The following WWOX variants were observed in gnomAD, a reference collection of about 807,000 sequenced individuals.
WWOX encodes WW domain-containing oxidoreductase.
In WWOX, 69 loss-of-function variants were observed where a neutral mutation model predicts 46.2. The observed-to-expected ratio is 1.49, with a 90% confidence interval of 1.23 to 1.82. The LOEUF is 1.82. Ranked by LOEUF, WWOX falls within the 40% of genes most tolerant of loss-of-function variation. WWOX has a pLI of 0.00. For synonymous variants in WWOX, 359 were observed against 202.6 expected (o/e 1.77, Z -6.56); for missense variants, 919 against 542.6 (o/e 1.69, Z -6.89).
intron 4 of WWOX, among the ~76,000 whole-genome samples, chr16:78,117,346 C>A (rs76758873): frequency 6.6e-6 from 1 of 152,178 alleles, no homozygotes; most frequent in East Asian, 1.9e-4. Flanking sequence ...CTGTCACCTT[C>A]CGCAGGAATG....
At chr16:79,040,190 C>T (rs549274827) in intron 8 of WWOX, among the ~76,000 whole-genome samples, 5 of 152,038 alleles carry the variant, frequency 3.3e-5, no homozygotes, top group Non-Finnish European at 5.9e-5. Context: ...TAGCGTTCAT[C>T]CTTGGTATGA....
chr16:78,393,323 C>G (rs923893579), intron 6 of WWOX, among the ~76,000 whole-genome samples: 8 of 152,146 alleles, frequency 5.3e-5, no homozygotes, highest in Non-Finnish European at 1.0e-4. Context: ...GAGTTAACAG[C>G]TCCTAGAGAG....
At chr16:78,660,105 C>G (rs1311771835) in intron 8 of WWOX, among the ~76,000 whole-genome samples, 1 of 152,174 alleles carries the variant, frequency 6.6e-6, no homozygotes. Flanking sequence ...CTCTTTTTAG[C>G]AAGCTTTTTG....
chr16:78,235,841 C>A (rs528202138), intron 5 of WWOX, among the ~76,000 whole-genome samples: 25 of 152,338 alleles, frequency 1.6e-4, no homozygotes, highest in African/African-American at 6.0e-4. Context: ...TCCTGCCTCA[C>A]TGGGAACCTG....
At chr16:78,977,119 C>G (rs754628514) in intron 8 of WWOX, among the ~76,000 whole-genome samples, 9 of 152,196 alleles carry the variant, frequency 5.9e-5, no homozygotes, top group South Asian at 2.1e-4. Flanking sequence ...GCTCTAATAT[C>G]TTCCTCTTTA....
intron 8 of WWOX, among the ~76,000 whole-genome samples, chr16:79,188,558 C>A (rs543389027): frequency 1.1e-4 from 16 of 152,174 alleles, no homozygotes; most frequent in Non-Finnish European, 2.4e-4. Flanking sequence ...TTTTGTTTCA[C>A]CTAATTTCCA....
intron 8 of WWOX, among the ~76,000 whole-genome samples, chr16:78,722,715 T>TC (rs999212374): frequency 5.1e-5 from 7 of 137,382 alleles, no homozygotes; most frequent in South Asian, 4.5e-4. Flanking sequence ...TTTTTTTTTT[T>TC]TTTTTTCCTC....
intron 8 of WWOX, among the ~76,000 whole-genome samples, chr16:78,790,000 T>A (rs1321895452): frequency 6.6e-6 from 1 of 152,232 alleles, no homozygotes; most frequent in Non-Finnish European, 1.5e-5. Context: ...CTAACAATAG[T>A]TGTTCTTTCC....
chr16:78,233,940 C>G (rs934599184), intron 5 of WWOX, among the ~76,000 whole-genome samples: 3 of 152,096 alleles, frequency 2.0e-5, no homozygotes, highest in African/African-American at 2.4e-5. Flanking sequence ...AAAATGTATC[C>G]CCTGTGTTTG....
chr16:78,688,024 A>G (rs1319247808), intron 8 of WWOX, among the ~76,000 whole-genome samples: 1 of 152,210 alleles, frequency 6.6e-6, no homozygotes, highest in Non-Finnish European at 1.5e-5. Context: ...AACAGGAGTT[A>G]TTTAAATTAG....
chr16:79,049,728 T>TG (rs1305298738), intron 8 of WWOX, among the ~76,000 whole-genome samples: 1 of 150,752 alleles, frequency 6.6e-6, no homozygotes, highest in African/African-American at 2.4e-5. Flanking sequence ...CCCAGCCACT[T>TG]GGGAGGCTGA....
chr16:78,446,592 A>G (rs1246485723), intron 8 of WWOX, among the ~76,000 whole-genome samples: 5 of 151,642 alleles, frequency 3.3e-5, no homozygotes, highest in African/African-American at 1.2e-4. Flanking sequence ...ATTACCTTAT[A>G]AAAATTACTT....
chr16:78,161,520 G>C (rs1922619), intron 4 of WWOX, among the ~76,000 whole-genome samples: 97,014 of 151,802 alleles, frequency 0.64, 31,437 homozygotes, highest in East Asian at 0.9. Context: ...AATCATAGCT[G>C]ACTGTGCCCT....
At chr16:78,558,027 A>C (rs940569787) in intron 8 of WWOX, among the ~76,000 whole-genome samples, 8 of 152,178 alleles carry the variant, frequency 5.3e-5, no homozygotes, top group African/African-American at 1.7e-4. Flanking sequence ...AGTGCCAAGC[A>C]CATAGTCGGC....
intron 8 of WWOX, among the ~76,000 whole-genome samples, chr16:78,811,022 C>G (rs746360731): frequency 3.3e-5 from 5 of 152,126 alleles, no homozygotes; most frequent in African/African-American, 7.2e-5. Context: ...TAGTAACTTG[C>G]ACTGTATTTC....
intron 8 of WWOX, among the ~76,000 whole-genome samples, chr16:78,952,882 A>G (rs913213762): frequency 3.3e-5 from 5 of 152,194 alleles, no homozygotes; most frequent in African/African-American, 7.2e-5. Context: ...GGCTTGTGGA[A>G]TAATTCTACA....
intron 8 of WWOX, among the ~76,000 whole-genome samples, chr16:78,878,232 A>G (rs2044272482): frequency 1.3e-5 from 2 of 152,152 alleles, no homozygotes; most frequent in Admixed American, 1.3e-4. Context: ...CCTTAGCCTC[A>G]TGACATTGGG....
intron 8 of WWOX, among the ~76,000 whole-genome samples, chr16:78,664,254 C>G (rs1250729570): frequency 6.6e-6 from 1 of 152,148 alleles, no homozygotes; most frequent in East Asian, 1.9e-4. Flanking sequence ...GTTTTCGTGT[C>G]TCCCTCCCAC....
chr16:78,702,118 A>ATATATATATATATATATATATG, intron 8 of WWOX, among the ~76,000 whole-genome samples: 1 of 134,486 alleles, frequency 7.4e-6, no homozygotes, highest in African/African-American at 3.0e-5. Context: ...ATATATATAT[A>ATATATATATATATATATATATG]TATATTTATT....
Sources: allele counts gnomAD v4.1 joint callset (sites outside exome capture counted in the v4.1 genomes callset), GRCh38; gene constraint gnomAD v4.1.1; transcripts MANE v1.5; gene names NCBI Gene and HGNC (gene_info 2026-07-23, HGNC 2026-07-21).